Variants in NPIPB4 observed in about 807,000 individuals in gnomAD.
The protein encoded by NPIPB4 is nuclear pore complex-interacting protein family member B4.
For missense variants in NPIPB4, 105 were observed against 513.7 expected (o/e 0.20, Z 7.69); for synonymous variants, 31 against 194.1 (o/e 0.16, Z 6.99).
chr16:21,840,688 T>C, intron 5 of NPIPB4: 1 of 457,134 alleles, frequency 2.2e-6, no homozygotes, highest in Non-Finnish European at 2.8e-6. Context: ...TCCTATTCTT[T>C]AGTAAATATA....
chr16:21,840,534 C>A (rs1002901982), intron 5 of NPIPB4, among the ~76,000 whole-genome samples: 1 of 150,538 alleles, frequency 6.6e-6, no homozygotes, highest in African/African-American at 2.4e-5. Flanking sequence ...TTCCCCCCTG[C>A]AACCTTCCCA....
chr16:21,856,246 C>T (rs955412850), intron 2 of NPIPB4, among the ~76,000 whole-genome samples: 1 of 4,288 alleles, frequency 2.3e-4, no homozygotes, highest in Non-Finnish European at 3.4e-4. Context: ...CCATTGCACT[C>T]CAGCCTGGGG....
chr16:21,843,126 A>G (rs1437551114), intron 5 of NPIPB4, among the ~76,000 whole-genome samples: 8 of 115,660 alleles, frequency 6.9e-5, no homozygotes, highest in East Asian at 5.9e-4. Context: ...CCATCTCAGG[A>G]AAAAAAAAAA....
chr16:21,843,889 CAGG>C, intron 3 of NPIPB4, 96 bp from the exon 4 acceptor site: 13 of 278,080 alleles, frequency 4.7e-5, no homozygotes, highest in Non-Finnish European at 6.1e-5. Flanking sequence ...ATCACGGGGT[CAGG>C]AGTTCAAGAC....
chr16:21,850,582 C>G (rs1156610730), intron 2 of NPIPB4, among the ~76,000 whole-genome samples: 1 of 134,138 alleles, frequency 7.5e-6, no homozygotes, highest in Non-Finnish European at 1.5e-5. Context: ...TGAGGCAGGA[C>G]AATTGCTTGA....
At chr16:21,856,268 ACT>A (rs1269140935) in intron 2 of NPIPB4, among the ~76,000 whole-genome samples, 1 of 9,224 alleles carries the variant, frequency 1.1e-4, no homozygotes, top group Non-Finnish European at 1.6e-4. Flanking sequence ...ACAGAGTGAA[ACT>A]CTGTCTCAAA....
intron 2 of NPIPB4, among the ~76,000 whole-genome samples, chr16:21,850,516 G>A (rs1902422072): frequency 6.6e-6 from 1 of 151,648 alleles, no homozygotes; most frequent in African/African-American, 2.4e-5. Context: ...AGGCGTGGTG[G>A]TCTACTAAAA....
At chr16:21,849,998 ACGCC>A (rs1902347376) in intron 2 of NPIPB4, among the ~76,000 whole-genome samples, 2 of 24,382 alleles carry the variant, frequency 8.2e-5, no homozygotes, top group Admixed American at 5.0e-4. Flanking sequence ...ATGGTGGTTC[ACGCC>A]TGTAATCCCA....
At chr16:21,843,277 AC>A in intron 5 of NPIPB4, 108 bp downstream of exon 5, 1 of 781,200 alleles carries the variant, frequency 1.3e-6, no homozygotes. Flanking sequence ...TTTTGAACCC[AC>A]TGAATTTGCC....
intron 2 of NPIPB4, among the ~76,000 whole-genome samples, chr16:21,850,383 T>C (rs1298740762): frequency 6.6e-6 from 1 of 151,230 alleles, no homozygotes; most frequent in East Asian, 1.9e-4. Flanking sequence ...CCAGGCGCGG[T>C]GGCTCACGCC....
At chr16:21,842,991 C>T (rs1260247308) in intron 5 of NPIPB4, among the ~76,000 whole-genome samples, 5 of 41,602 alleles carry the variant, frequency 1.2e-4, no homozygotes, top group East Asian at 1.0e-3. Context: ...ATTAGCTGGG[C>T]GTGGTGGTGG....
chr16:21,850,517 T>C (rs1472816878), intron 2 of NPIPB4, among the ~76,000 whole-genome samples: 1 of 151,518 alleles, frequency 6.6e-6, no homozygotes, highest in Admixed American at 6.6e-5. Flanking sequence ...GGCGTGGTGG[T>C]CTACTAAAAA....
intron 5 of NPIPB4, among the ~76,000 whole-genome samples, chr16:21,841,883 G>T (rs1901820192): frequency 6.6e-6 from 1 of 151,162 alleles, no homozygotes; most frequent in Non-Finnish European, 1.5e-5. Context: ...TGGATTGAGG[G>T]TCTGCCAATG....
At chr16:21,850,772 C>A (rs1356778543) in intron 2 of NPIPB4, among the ~76,000 whole-genome samples, 1 of 72,388 alleles carries the variant, frequency 1.4e-5, no homozygotes. Context: ...AACAAGAGTG[C>A]AGCGGGGCCA....
chr16:21,850,256 T>C lies in NPIPB4; in HGVS notation c.121-2715A>G, dbSNP rs1351379543. On this transcript the variant is annotated intron_variant, in intron 2 of 7. Coordinates refer to ENST00000682606, the MANE Select transcript of NPIPB4 (RefSeq NM_001384980.1). Reference sequence around the variant, plus strand: ...AGCCTGGGCAACAAGGGAGAAACTGTCTCAAAATAAATAAATAAATAAATA... The same window carrying C: ...AGCCTGGGCAACAAGGGAGAAACTGCCTCAAAATAAATAAATAAATAAATA... 4.2e-4 allele frequency among the ~76,000 whole-genome samples: 62 copies of C among 146,456 alleles called. 1 individual carries two copies. The highest frequency in any genetic ancestry group is 3.7e-3 in the Middle Eastern group (1 of 270).
chr16:21,843,132 A>G (rs1183758517), intron 5 of NPIPB4, among the ~76,000 whole-genome samples: 1 of 128,380 alleles, frequency 7.8e-6, no homozygotes, highest in African/African-American at 2.9e-5. Flanking sequence ...CAGGAAAAAA[A>G]AAAAAAAAAA....
intron 5 of NPIPB4, among the ~76,000 whole-genome samples, chr16:21,840,624 C>T (rs1412219250): frequency 7.3e-6 from 1 of 137,268 alleles, no homozygotes; most frequent in African/African-American, 2.6e-5. Context: ...CACACTCTGG[C>T]CTGCTGGCAA....
rs771029701 is a variant in NPIPB4, at chr16:21,836,533, G to T, written c.1854C>A (p.Ile618=). The change falls in exon 8 of 8, where the codon ATC becomes ATA. Residue 618 remains isoleucine, a synonymous_variant. Coordinates refer to ENST00000682606, the MANE Select transcript of NPIPB4 (RefSeq NM_001384980.1). ...PSAPPSADDN[I]KTPAFHPQRM... ...GCTGAGGGTGGAAGGCAGGTGTCTT[G>T]ATGTTATCATCTGCTGAGGGTGGAG... is the stretch of plus-strand genomic sequence containing the variant. The T allele has an allele frequency of 3.3e-6, 5 of 1,502,162 alleles. No individual in the cohort carries two copies. Among genetic ancestry groups the T allele is most frequent in the Non-Finnish European group, 4.4e-6 (5 of 1,131,356 alleles). The allele number at this position is 1,502,162 out of a possible 1,614,324, so 93.1% of individuals were successfully genotyped here.
chr16:21,850,446 G>A (rs1902409857), intron 2 of NPIPB4, among the ~76,000 whole-genome samples: 1 of 151,916 alleles, frequency 6.6e-6, no homozygotes, highest in South Asian at 2.1e-4. Context: ...GTCAAGAGAT[G>A]GAGACTATCC....
Sources: allele counts gnomAD v4.1 joint callset (sites outside exome capture counted in the v4.1 genomes callset), GRCh38; gene constraint gnomAD v4.1.1; transcripts MANE v1.5; gene names NCBI Gene and HGNC (gene_info 2026-07-23, HGNC 2026-07-21).